CPA6: variants seen among roughly 807,000 people sequenced by gnomAD.
CPA6 encodes carboxypeptidase B.
A neutral mutation model predicts 63.3 loss-of-function variants in CPA6; 58 were observed. The observed-to-expected ratio is 0.92, with a 90% CI of 0.74 to 1.14. The LOEUF (loss-of-function observed/expected upper bound fraction) is 1.14, where lower values mean the gene tolerates loss of function less well. CPA6 is among the 50% of genes most tolerant of loss of function. The pLI, the probability that CPA6 is intolerant of heterozygous loss-of-function variation, is 0.00. For missense variants in CPA6, 565 were observed against 526.6 expected, an observed-to-expected ratio of 1.07 and a Z score of -0.71; for synonymous variants, 185 against 179.0, an observed-to-expected ratio of 1.03 and a Z score of -0.27.
At chr8:67,618,816 G>A (rs935494110) in intron 2 of CPA6, among the ~76,000 whole-genome samples, 15 of 152,192 alleles carry the variant, frequency 9.9e-5, no homozygotes, top group African/African-American at 3.1e-4. Context: ...GCAAAGAGAC[G>A]TAGGCAGAAT....
intron 1 of CPA6, among the ~76,000 whole-genome samples, chr8:67,742,540 A>C (rs1817932686): frequency 6.6e-6 from 1 of 152,130 alleles, no homozygotes; most frequent in African/African-American, 2.4e-5. Context: ...CAAATGCATA[A>C]GGTTGTTCTT....
intron 1 of CPA6, among the ~76,000 whole-genome samples, chr8:67,709,654 CCTGAAGTGGT>C (rs896228714): frequency 6.6e-6 from 1 of 152,154 alleles, no homozygotes; most frequent in Non-Finnish European, 1.5e-5. Flanking sequence ...AGAAAGTGAA[CCTGAAGTGGT>C]CAGGTCATAA....
At chr8:67,620,886 C>T (rs1229563018) in intron 2 of CPA6, among the ~76,000 whole-genome samples, 4 of 152,166 alleles carry the variant, frequency 2.6e-5, no homozygotes, top group Non-Finnish European at 5.9e-5. Context: ...TTGGCCTTGG[C>T]TGGCATTTGG....
chr8:67,485,302 ATAT>A (rs1306370859), intron 6 of CPA6, among the ~76,000 whole-genome samples: 1 of 151,998 alleles, frequency 6.6e-6, no homozygotes. Context: ...TGATATTATG[ATAT>A]TATGAACAAA....
intron 1 of CPA6, among the ~76,000 whole-genome samples, chr8:67,677,875 C>T (rs948338554): frequency 1.2e-4 from 17 of 147,212 alleles, no homozygotes; most frequent in African/African-American, 4.4e-4. Flanking sequence ...AACAATAAAG[C>T]TTAAAAAAAA....
intron 6 of CPA6, among the ~76,000 whole-genome samples, chr8:67,497,519 T>C (rs562348043): frequency 6.6e-6 from 1 of 152,218 alleles, no homozygotes; most frequent in Non-Finnish European, 1.5e-5. Flanking sequence ...TTTTTGGCTA[T>C]GATGAATAAT....
At chr8:67,718,971 ATCTT>A (rs1356442546) in intron 1 of CPA6, among the ~76,000 whole-genome samples, 7 of 152,060 alleles carry the variant, frequency 4.6e-5, no homozygotes, top group Non-Finnish European at 7.4e-5. Context: ...TCATGGAACT[ATCTT>A]CCTGTTTGAA....
chr8:67,677,309 A>G (rs1333524630), intron 1 of CPA6, among the ~76,000 whole-genome samples: 1 of 151,620 alleles, frequency 6.6e-6, no homozygotes, highest in Non-Finnish European at 1.5e-5. Flanking sequence ...TTCTGCTGAA[A>G]ATTCATCTCT....
chr8:67,631,549 C>T (rs974550708), intron 1 of CPA6, among the ~76,000 whole-genome samples: 4 of 151,700 alleles, frequency 2.6e-5, no homozygotes, highest in African/African-American at 9.8e-5. Context: ...AATCAGCTCT[C>T]TGTAAAATGG....
chr8:67,450,106 G>T (rs558235961), intron 8 of CPA6, among the ~76,000 whole-genome samples: 1 of 151,936 alleles, frequency 6.6e-6, no homozygotes, highest in Non-Finnish European at 1.5e-5. Context: ...ATGAGCCACC[G>T]CGCCTGGCCA....
In CPA6 at chr8:67,673,444, C is replaced by T. The variant is rs551936358; in HGVS notation, c.117-49193G>A. On this transcript the variant is annotated intron_variant, in intron 1 of 10. Transcript: ENST00000297770. ...TGTCACCCAGGCTGGAGTGCAGTGG[C>T]GCGATCTGGGCTCATTGCAAGCTCC... is the stretch of plus-strand genomic sequence containing the variant. Among the ~76,000 whole-genome samples the T allele has an allele frequency of 4.0e-3, 595 of 148,910 alleles. 3 individuals are homozygous for T. Among genetic ancestry groups the T allele is most frequent in the Non-Finnish European group, 6.8e-3 (459 of 67,534 alleles).
At chr8:67,473,524 A>C (rs1274435129) in intron 8 of CPA6, among the ~76,000 whole-genome samples, 1 of 152,222 alleles carries the variant, frequency 6.6e-6, no homozygotes. Flanking sequence ...AGGAAATGAA[A>C]TGTTTATAAA....
At chr8:67,482,102 A>G (rs1811371919) in intron 8 of CPA6, among the ~76,000 whole-genome samples, 1 of 152,234 alleles carries the variant, frequency 6.6e-6, no homozygotes, top group Non-Finnish European at 1.5e-5. Flanking sequence ...ATGTGTATGA[A>G]GGAAGCAAGC....
chr8:67,435,089 A>G (rs954966311), intron 8 of CPA6, among the ~76,000 whole-genome samples: 1 of 152,136 alleles, frequency 6.6e-6, no homozygotes, highest in African/African-American at 2.4e-5. Flanking sequence ...TGAGGCTCAG[A>G]GGAAGGACAG....
chr8:67,632,827 G>A (rs868516905), intron 1 of CPA6, among the ~76,000 whole-genome samples: 1 of 152,182 alleles, frequency 6.6e-6, no homozygotes, highest in Non-Finnish European at 1.5e-5. Flanking sequence ...TGTAGACTTC[G>A]TTGCATTGGT....
intron 1 of CPA6, among the ~76,000 whole-genome samples, chr8:67,711,474 G>C (rs1192371213): frequency 6.6e-6 from 1 of 152,278 alleles, no homozygotes; most frequent in East Asian, 1.9e-4. Context: ...ATTTGGGCTG[G>C]TGATGAAATT....
chr8:67,490,844 G>A (rs1318616966), intron 6 of CPA6, among the ~76,000 whole-genome samples: 1 of 140,338 alleles, frequency 7.1e-6, no homozygotes, highest in East Asian at 2.2e-4. Flanking sequence ...GGATTTACGT[G>A]GTTGGATGTT....
At chr8:67,713,035 T>C (rs1191648978) in intron 1 of CPA6, among the ~76,000 whole-genome samples, 1 of 147,292 alleles carries the variant, frequency 6.8e-6, no homozygotes, top group Non-Finnish European at 1.5e-5. Context: ...TCTCTTACTT[T>C]CTAATGTACA....
intron 2 of CPA6, among the ~76,000 whole-genome samples, chr8:67,610,021 C>CAACAAAACAAAACAAAACAAAACAA (rs112893898): frequency 6.7e-6 from 1 of 149,062 alleles, no homozygotes; most frequent in African/African-American, 2.5e-5. Context: ...GACTCCGTCT[C>CAACAAAACAAAACAAAACAAAACAA]AACAAAACAA....
Sources: gnomAD v4.1 joint callset for allele counts (sites outside exome capture counted in the v4.1 genomes callset) on GRCh38, gnomAD v4.1.1 for gene constraint, MANE v1.5 for transcripts, NCBI Gene and HGNC (gene_info 2026-07-23, HGNC 2026-07-21) for gene names.